KIF1A: variants seen among roughly 807,000 people sequenced by gnomAD.
KIF1A encodes kinesin family member 1A, also known as kinesin-like protein KIF1A.
A neutral mutation model predicts 227.3 loss-of-function variants in KIF1A; 46 were observed. The observed-to-expected ratio is 0.20, with a 90% confidence interval of 0.16 to 0.26. The LOEUF is 0.26. Among genes scored for constraint, KIF1A ranks in the 10% least tolerant of loss-of-function variants. The pLI is 1.00. For missense variants in KIF1A, 1,683 were observed against 2,485.9 expected (o/e 0.68, Z 6.87); for synonymous variants, 1,022 against 1,012.8 (o/e 1.01, Z -0.17).
Position 240,725,484 on chromosome 2 carries a change from C to A in KIF1A, c.4123-80G>T. On this transcript the variant is annotated intron_variant, in intron 39 of 48. Coordinates refer to ENST00000498729, the MANE Select transcript of KIF1A (RefSeq NM_001244008.2). This position sits in a 1 kb window ranked among gnomAD's most constrained non-coding sequence, Gnocchi z 5.8. ...CCCTTCCAGCCTTCTCCTGGGGGCA[C>A]AATGCCCAGCACCGACAGGCAGCCC... The A allele has an allele frequency of 6.6e-7, 1 of 1,509,874 alleles. No individual in the cohort carries two copies. The highest frequency in any genetic ancestry group is 9.0e-7 in the Non-Finnish European group (1 of 1,107,246). The allele number at this position is 1,509,874 out of a possible 1,614,324, so 93.5% of individuals were successfully genotyped here. A position where few individuals can be genotyped will look rare whatever the true frequency, so the allele number is the denominator to read the frequency against.
upstream of KIF1A, among the ~76,000 whole-genome samples, chr2:240,821,383 G>C (rs1442705758): frequency 1.3e-5 from 2 of 152,210 alleles, no homozygotes; most frequent in African/African-American, 2.4e-5. Context: ...AGGTGGCTGG[G>C]GGAGATTCAC....
intron 1 of KIF1A, among the ~76,000 whole-genome samples, chr2:240,804,081 G>A (rs2057193657): frequency 6.6e-6 from 1 of 152,170 alleles, no homozygotes; most frequent in African/African-American, 2.4e-5. Flanking sequence ...GCATGGCCAA[G>A]ACGGTGAAAC....
chr2:240,757,723 T>C lies in KIF1A; in HGVS notation c.2583-129A>G, dbSNP rs1173719775. 12 of 889,556 alleles carry C rather than the reference T, an allele frequency of 1.3e-5. No individual in the cohort carries two copies. The highest frequency in any genetic ancestry group is 5.8e-5 in the Admixed American group (2 of 34,446). 55.1% of individuals were successfully genotyped at this position (889,556 alleles called of 1,614,324 possible). A position where few individuals can be genotyped will look rare whatever the true frequency, so the allele number is the denominator to read the frequency against. Reference sequence around the variant, plus strand: ...CAAACACACAGACCATCGAGAATGCTGCTTTAAAAGATGAGAGAACCAAAA... The same window carrying C: ...CAAACACACAGACCATCGAGAATGCCGCTTTAAAAGATGAGAGAACCAAAA... On this transcript the variant is annotated intron_variant, in intron 26 of 48. Transcript: ENST00000498729. This position sits in a 1 kb window ranked among gnomAD's most constrained non-coding sequence, Gnocchi z 6.2.
Position 240,740,334 on chromosome 2 carries a change from C to T in KIF1A, c.3780G>A (p.Gly1260=). The T allele has an allele frequency of 6.2e-7, 1 of 1,613,704 alleles. No homozygotes were observed. The highest frequency in any genetic ancestry group is 8.5e-7 in the Non-Finnish European group (1 of 1,179,802). Residue 1260 remains glycine, a synonymous_variant, in exon 36 of 49, where the codon GGG becomes GGA. Transcript: ENST00000498729. This position sits in a 1 kb window ranked among gnomAD's most constrained non-coding sequence, Gnocchi z 6.1. The part of the protein sequence containing the change: ...DYIPAVVDHR[G]GMPCMGTFLL... ...GGAAGGTCCCCATGCATGGCATGCC[C>T]CCACGGTGGTCCACCACGGCCGGGA...
At chr2:240,782,899 T>C in intron 9 of KIF1A, 145 bp downstream of exon 9, 1 of 745,238 alleles carries the variant, frequency 1.3e-6, no homozygotes. Flanking sequence ...TTCTCCAGCA[T>C]GTGACACTCT....
chr2:240,812,004 A>C (rs769426453), intron 1 of KIF1A, among the ~76,000 whole-genome samples: 2 of 152,084 alleles, frequency 1.3e-5, no homozygotes, highest in African/African-American at 4.8e-5. Context: ...ACTCCAGGAA[A>C]GGGAGACCAT....
chr2:240,766,739 T>TCACACA lies in KIF1A; in HGVS notation c.1684+175_1684+176insTGTGTG, dbSNP rs1194679801. Among the ~76,000 whole-genome samples the TCACACA allele has an allele frequency of 9.0e-6, 1 of 111,250 alleles. No individual in the cohort carries two copies. Among genetic ancestry groups the TCACACA allele is most frequent in the Non-Finnish European group, 1.8e-5 (1 of 54,082 alleles). 73.0% of individuals were successfully genotyped at this position (111,250 alleles called of 152,430 possible). ...CTCTCCAAATCTCTCTCTCTCTCTC[T>TCACACA]CTCTCTCTCTCACACACACACACAC... On this transcript the variant is annotated intron_variant, in intron 19 of 48. Coordinates refer to ENST00000498729, the MANE Select transcript of KIF1A (RefSeq NM_001244008.2). This position sits in a 1 kb window ranked among gnomAD's most constrained non-coding sequence, Gnocchi z 5.0.
In KIF1A at chr2:240,793,426, A is replaced by G. The variant is rs1466898069; in HGVS notation, c.107-4114T>C. On this transcript the variant is annotated intron_variant, in intron 2 of 48. Transcript: ENST00000498729. The surrounding 1 kb of genome is among the most constrained non-coding windows in gnomAD (Gnocchi z 4.8). ...TGAGCACAGCCAGGCCCCTCACTCC[A>G]GGAACTCACTTCAGGGGCCGCACAT... Among the ~76,000 whole-genome samples the G allele has an allele frequency of 1.3e-5, 2 of 152,232 alleles. No homozygotes were observed. The highest frequency in any genetic ancestry group is 2.9e-5 in the Non-Finnish European group (2 of 68,032).
At chr2:240,802,146 T>C (rs1349405339) in intron 1 of KIF1A, among the ~76,000 whole-genome samples, 1 of 148,918 alleles carries the variant, frequency 6.7e-6, no homozygotes, top group Non-Finnish European at 1.5e-5. Context: ...AAAATAAGAT[T>C]GACAACTGAC....
In KIF1A at chr2:240,788,028, C is replaced by A; in HGVS notation, c.363+23G>T. ...TCCCGCCCCATCTGCCAGGGCTGCCCCCGCCCGCCCCCCGCTTCGTGCCTG... is the reference window on the plus strand; with the variant it reads ...TCCCGCCCCATCTGCCAGGGCTGCCACCGCCCGCCCCCCGCTTCGTGCCTG... On this transcript the variant is annotated intron_variant, in intron 4 of 48. Transcript: ENST00000498729. The surrounding 1 kb of genome is among the most constrained non-coding windows in gnomAD (Gnocchi z 6.6). 2 of 1,473,512 alleles carry A rather than the reference C, an allele frequency of 1.4e-6. No homozygotes were observed. The highest frequency in any genetic ancestry group is 1.2e-5 in the South Asian group (1 of 82,670). 91.3% of individuals were successfully genotyped at this position (1,473,512 alleles called of 1,614,324 possible). A position where few individuals can be genotyped will look rare whatever the true frequency, so the allele number is the denominator to read the frequency against.
At chr2:240,812,830 AGCCTTCACCTCGGGGATCT>A (rs2057992107) in intron 1 of KIF1A, among the ~76,000 whole-genome samples, 2 of 123,606 alleles carry the variant, frequency 1.6e-5, no homozygotes, top group Non-Finnish European at 3.3e-5. Flanking sequence ...CTCAGGGATC[AGCCTTCACCTCGGGGATCT>A]GCCTTCACCT....
chr2:240,786,534 A>G, intron 5 of KIF1A, 21 bp from the exon 6 acceptor site: 1 of 1,609,102 alleles, frequency 6.2e-7, no homozygotes, highest in Non-Finnish European at 8.5e-7. Flanking sequence ...GAGCCAGGCC[A>G]TCAGGGGCCC....
chr2:240,797,534 GA>G (rs745721017), intron 2 of KIF1A, 112 bp downstream of exon 2: 20 of 714,428 alleles, frequency 2.8e-5, no homozygotes, highest in Non-Finnish European at 4.0e-5. Flanking sequence ...CATAGACAAG[GA>G]GGTGCTCTTG....
intron 34 of KIF1A, among the ~76,000 whole-genome samples, chr2:240,742,069 C>T (rs939221576): frequency 2.0e-5 from 3 of 152,230 alleles, no homozygotes; most frequent in Admixed American, 2.0e-4. Context: ...CTGCGGGCCA[C>T]AAAGCCTGTA....
At position 240,769,640 on chromosome 2, in the gene KIF1A, T is replaced by C. The variant is rs2051688367; in HGVS notation, c.1408A>G (p.Ile470Val). The C allele has an allele frequency of 6.2e-7, 1 of 1,613,408 alleles. No individual in the cohort carries two copies. Among genetic ancestry groups the C allele is most frequent in the Non-Finnish European group, 8.5e-7 (1 of 1,179,708 alleles). ...WEEKLRRTEA[I>V]RMEREALLAE... is the part of the protein sequence containing the mutation. ...CCCGCTGCACACCTCTCCATCCGGA[T>C]GGCTTCTGTCCGCCGCAGCTTCTCC... Residue 470 changes from isoleucine (I) to valine (V), a missense_variant, in exon 16 of 49, where the codon ATC becomes GTC. Ile to Val is a conservative substitution (Grantham distance 29). Transcript: ENST00000498729.
rs373544465 is a variant in KIF1A, at chr2:240,741,256, C to A, written c.3749+13G>T. 439 of 1,564,800 alleles carry A rather than the reference C, an allele frequency of 2.8e-4. 1 individual carries two copies. Among genetic ancestry groups the A allele is most frequent in the Middle Eastern group, 5.1e-4 (3 of 5,874 alleles). On this transcript the variant is annotated intron_variant, in intron 35 of 48. Coordinates refer to ENST00000498729, the MANE Select transcript of KIF1A (RefSeq NM_001244008.2). The stretch of plus-strand genomic sequence containing the variant: ...CACACTCACGCCCTGGGGGCCCCAG[C>A]ACCAGCACTCACTCGCCGTTGGCCT...
chr2:240,784,819 G>A (rs544012146), intron 7 of KIF1A, among the ~76,000 whole-genome samples, 170 bp downstream of exon 7: 1 of 151,856 alleles, frequency 6.6e-6, no homozygotes, highest in Non-Finnish European at 1.5e-5. Flanking sequence ...TCTGGGGCGG[G>A]GGGGGGGACG....
chr2:240,777,746 GC>G (rs1575610204), intron 10 of KIF1A, among the ~76,000 whole-genome samples: 2 of 152,184 alleles, frequency 1.3e-5, no homozygotes, highest in East Asian at 3.9e-4. Flanking sequence ...CTCCTGACAA[GC>G]CGGGAGGGAC....
In KIF1A at chr2:240,772,000, C is replaced by T. The variant is rs563789381; in HGVS notation, c.1207+570G>A. Among the ~76,000 whole-genome samples the T allele has an allele frequency of 4.5e-3, 692 of 152,350 alleles. 3 individuals carry two copies. The highest frequency in any genetic ancestry group is 7.9e-3 in the Non-Finnish European group (536 of 68,028). ...CCCTGCAGCCAAGCTCGGGGAGGCA[C>T]TGAGCCCCATGGAGCCAGACCCGAG... is the stretch of plus-strand genomic sequence containing the variant. On this transcript the variant is annotated intron_variant, in intron 14 of 48. Transcript: ENST00000498729.
Sources: allele counts gnomAD v4.1 joint callset (sites outside exome capture counted in the v4.1 genomes callset), GRCh38; gene constraint gnomAD v4.1.1; non-coding constraint Gnocchi (gnomAD v3.1); transcripts MANE v1.5; gene names NCBI Gene and HGNC (gene_info 2026-07-23, HGNC 2026-07-21).